MEIOSIN: variants seen among roughly 807,000 people sequenced by gnomAD.
MEIOSIN encodes meiosis initiator protein.
MEIOSIN carries 18 observed loss-of-function variants against 23.4 expected under a neutral mutation model. That is an observed-to-expected ratio of 0.77 (90% CI 0.53 to 1.14). The LOEUF is 1.14. Among genes scored for constraint, MEIOSIN ranks in the 50% most tolerant of loss-of-function variants. The probability of loss-of-function intolerance (pLI) is 0.00; values close to 1 mark genes in which losing one functional copy is unlikely to be tolerated. For synonymous variants in MEIOSIN, 187 were observed against 100.6 expected (o/e 1.86, Z -5.14); for missense variants, 428 against 242.9 (o/e 1.76, Z -5.07).
chr19:45,747,897 C>T (rs983886100), intron 4 of MEIOSIN, among the ~76,000 whole-genome samples: 3 of 151,938 alleles, frequency 2.0e-5, no homozygotes, highest in Non-Finnish European at 4.4e-5. Flanking sequence ...ATTAGGAGTT[C>T]GAGACCAGCC....
At chr19:45,761,250 G>T (rs1259605388) in intron 11 of MEIOSIN, among the ~76,000 whole-genome samples, 1 of 151,272 alleles carries the variant, frequency 6.6e-6, no homozygotes, top group Admixed American at 6.6e-5. Flanking sequence ...TCAGCCTCCA[G>T]AGTAGCTGGG....
At position 45,754,744 on chromosome 19, in the gene MEIOSIN, C is replaced by T; in HGVS notation, c.802+20C>T. On this transcript the variant is annotated intron_variant, in intron 7 of 14. Transcript: ENST00000457052. ...TCTCAAGTGGGTCTCTTTCCTCACT[C>T]TGAACTTAGTCTTTCAGTAAGATGC... 1.4e-6 allele frequency: 1 copy of T among 702,590 alleles called. No homozygotes were observed. The highest frequency in any genetic ancestry group is 1.5e-5 in the South Asian group (1 of 67,548). 43.5% of individuals were successfully genotyped at this position (702,590 alleles called of 1,614,324 possible). A position where few individuals can be genotyped will look rare whatever the true frequency, so the allele number is the denominator to read the frequency against.
chr19:45,749,966 T>C (rs1968667061), intron 4 of MEIOSIN, among the ~76,000 whole-genome samples: 2 of 146,002 alleles, frequency 1.4e-5, no homozygotes, highest in African/African-American at 5.1e-5. Context: ...ATCGTGCCAT[T>C]GCACTCCAGC....
At chr19:45,738,538 G>A (rs967231580) in intron 2 of MEIOSIN, among the ~76,000 whole-genome samples, 2 of 152,226 alleles carry the variant, frequency 1.3e-5, no homozygotes, top group Admixed American at 1.3e-4. Context: ...AGAATCACTT[G>A]AACCTGGGAG....
Position 45,750,785 on chromosome 19 carries a change from G to A in MEIOSIN, c.417G>A (p.Ala139=), listed in dbSNP as rs1002081449. Residue 139 remains alanine, a splice_region_variant and synonymous_variant, in exon 5 of 15, where the codon GCG becomes GCA. Transcript: ENST00000457052. ...CHITTGEGGL[A]GLGQKPAWGP... The stretch of plus-strand genomic sequence containing the variant: ...TCACCACTGGGGAAGGTGGACTTGC[G>A]GGTAAGTAGTTCAGCCAGTGTTTCC... The A allele has an allele frequency of 2.1e-5, 13 of 605,024 alleles. No homozygotes were observed. The highest frequency in any genetic ancestry group is 2.5e-4 in the Middle Eastern group (1 of 3,986). The allele number at this position is 605,024 out of a possible 1,614,324, so 37.5% of individuals were successfully genotyped here.
intron 4 of MEIOSIN, among the ~76,000 whole-genome samples, chr19:45,748,550 AG>A (rs1968636217): frequency 6.6e-6 from 1 of 152,184 alleles, no homozygotes; most frequent in Non-Finnish European, 1.5e-5. Context: ...AAGGTCTTTG[AG>A]AGTCCAGACT....
rs1420465987 is a variant in MEIOSIN at position 45,753,750 on chromosome 19, G to A, written c.518G>A (p.Cys173Tyr). 2.8e-6 allele frequency: 2 copies of A among 702,776 alleles called. No homozygotes were observed. The highest frequency in any genetic ancestry group is 5.2e-6 in the Non-Finnish European group (2 of 384,944). The allele number at this position is 702,776 out of a possible 1,614,324, so 43.5% of individuals were successfully genotyped here. ...SSQKSCLQGA[C>Y]QKPRKKKLTQ... Reference sequence around the variant, plus strand: ...CAGAAGTCCTGTCTCCAGGGGGCGTGCCAGAAGCCTCGGAAGAAGAAGCTG... The same window carrying A: ...CAGAAGTCCTGTCTCCAGGGGGCGTACCAGAAGCCTCGGAAGAAGAAGCTG... The change falls in exon 6 of 15, where the codon TGC becomes TAC. Residue 173 changes from cysteine (C) to tyrosine (Y), a missense_variant. By Grantham distance (194) the Cys-to-Tyr change is radical. Transcript: ENST00000457052.
At chr19:45,759,840 C>T (rs1483655252) in intron 11 of MEIOSIN, among the ~76,000 whole-genome samples, 2 of 151,990 alleles carry the variant, frequency 1.3e-5, no homozygotes, top group African/African-American at 4.8e-5. Context: ...TCCCTGTTGT[C>T]GCCCAGGCTG....
At chr19:45,748,011 G>C (rs1178814888) in intron 4 of MEIOSIN, among the ~76,000 whole-genome samples, 1 of 151,878 alleles carries the variant, frequency 6.6e-6, no homozygotes, top group Non-Finnish European at 1.5e-5. Flanking sequence ...TTGAGCCTGG[G>C]AAGTGGAGGT....
rs1968987057 is a variant in MEIOSIN, at chr19:45,763,334, C to T, written c.1680-4C>T. On this transcript the variant is annotated splice_region_variant and splice_polypyrimidine_tract_variant and intron_variant, in intron 13 of 14. Coordinates refer to ENST00000457052, the MANE Select transcript of MEIOSIN (RefSeq NM_001310124.2). The stretch of plus-strand genomic sequence containing the variant: ...TCCTTACCTCCTCCTCCTTCCTGTC[C>T]CAGATCCTGCCCTGGAACCGCTTCC... The T allele has an allele frequency of 7.5e-6, 3 of 398,898 alleles. No individual in the cohort carries two copies. Among genetic ancestry groups the T allele is most frequent in the Non-Finnish European group, 1.3e-5 (3 of 226,264 alleles). The allele number at this position is 398,898 out of a possible 1,614,324, so 24.7% of individuals were successfully genotyped here. A position where few individuals can be genotyped will look rare whatever the true frequency, so the allele number is the denominator to read the frequency against.
chr19:45,736,027 C>G (rs1444666237), intron 2 of MEIOSIN, among the ~76,000 whole-genome samples: 3 of 152,050 alleles, frequency 2.0e-5, no homozygotes, highest in South Asian at 4.2e-4. Flanking sequence ...GTCCTTGCAG[C>G]CTGTGACATT....
Position 45,733,647 on chromosome 19 carries a change from G to T in MEIOSIN, c.-20G>T, listed in dbSNP as rs1337980659. The T allele has an allele frequency of 1.3e-5, 2 of 152,258 alleles. No individual in the cohort carries two copies. The highest frequency in any genetic ancestry group is 2.9e-5 in the Non-Finnish European group (2 of 68,072). The allele number at this position is 152,258 out of a possible 1,614,324, so 9.4% of individuals were successfully genotyped here. On this transcript the variant is annotated 5_prime_UTR_variant, in exon 1 of 15. Coordinates refer to ENST00000457052, the MANE Select transcript of MEIOSIN (RefSeq NM_001310124.2). This position sits in a 1 kb window ranked among gnomAD's most constrained non-coding sequence, Gnocchi z 5.7. The stretch of plus-strand genomic sequence containing the variant: ...ACCAGAACGGCGGGGGCAGCCTCAC[G>T]CCATTTTGCACGCCCTGAGGCGGGT...
intron 4 of MEIOSIN, among the ~76,000 whole-genome samples, chr19:45,747,393 G>A (rs1968614140): frequency 6.6e-6 from 1 of 152,136 alleles, no homozygotes; most frequent in African/African-American, 2.4e-5. Flanking sequence ...ACTCTGGCTG[G>A]TGAATTGCCC....
chr19:45,759,545 C>T (rs934316543), intron 11 of MEIOSIN, 55 bp downstream of exon 11: 6 of 698,582 alleles, frequency 8.6e-6, no homozygotes, highest in African/African-American at 3.5e-5. Context: ...TTTCCACACA[C>T]GTCACTCATG....
chr19:45,742,697 G>C (rs547311120), intron 3 of MEIOSIN, among the ~76,000 whole-genome samples: 1 of 151,824 alleles, frequency 6.6e-6, no homozygotes, highest in Admixed American at 6.6e-5. Context: ...GAGAACGTGA[G>C]GGTGAGGCTG....
chr19:45,747,402 C>T (rs1011089483), intron 4 of MEIOSIN, among the ~76,000 whole-genome samples: 7 of 152,162 alleles, frequency 4.6e-5, no homozygotes, highest in Non-Finnish European at 1.0e-4. Context: ...GGTGAATTGC[C>T]CCCTGCCCCG....
At chr19:45,745,153 T>C (rs1255931314) in intron 3 of MEIOSIN, 39 bp from the exon 4 acceptor site, 2 of 702,572 alleles carry the variant, frequency 2.8e-6, no homozygotes, top group Admixed American at 4.0e-5. Context: ...GAATTCGTTT[T>C]GGATGTCCTA....
At chr19:45,744,318 C>A (rs1231827337) in intron 3 of MEIOSIN, among the ~76,000 whole-genome samples, 2 of 152,114 alleles carry the variant, frequency 1.3e-5, no homozygotes, top group Admixed American at 1.3e-4. Context: ...CCATGCCCGG[C>A]CTCCTTTTAC....
intron 11 of MEIOSIN, 138 bp downstream of exon 11, chr19:45,759,628 C>T (rs546421199): frequency 3.5e-5 from 22 of 625,920 alleles, no homozygotes; most frequent in Non-Finnish European, 5.9e-5. Context: ...TCATGCGTCT[C>T]CTCATCCTTA....
Sources: allele counts gnomAD v4.1 joint callset (sites outside exome capture counted in the v4.1 genomes callset), GRCh38; gene constraint gnomAD v4.1.1; non-coding constraint Gnocchi (gnomAD v3.1); transcripts MANE v1.5; gene names NCBI Gene and HGNC (gene_info 2026-07-23, HGNC 2026-07-21).